Variants in GYPC observed in about 807,000 individuals in gnomAD.
GYPC encodes glycophorin C (Gerbich blood group).
GYPC carries 14 observed loss-of-function variants against 12.6 expected under a neutral mutation model. The observed-to-expected ratio is 1.11, with a 90% CI of 0.74 to 1.74. The LOEUF is 1.74. GYPC is among the 40% of genes most tolerant of loss of function. The pLI, the probability that GYPC is intolerant of heterozygous loss-of-function variation, is 0.00. For synonymous variants in GYPC, 78 were observed against 62.1 expected, an observed-to-expected ratio of 1.26 and a Z score of -1.20; for missense variants, 225 against 172.1, an observed-to-expected ratio of 1.31 and a Z score of -1.72.
intron 1 of GYPC, among the ~76,000 whole-genome samples, chr2:126,656,627 T>C (rs1326179102): frequency 6.6e-6 from 1 of 152,188 alleles, no homozygotes; most frequent in Admixed American, 6.5e-5. Flanking sequence ...GCATGTGAAA[T>C]GTGTGGGGCC....
intron 1 of GYPC, chr2:126,678,687 A>T (rs1683078788): frequency 6.6e-6 from 1 of 152,414 alleles, no homozygotes; most frequent in Non-Finnish European, 1.5e-5. Flanking sequence ...TTGTGCCCAT[A>T]AACTGTGGGT....
At chr2:126,683,306 C>A (rs918055512) in intron 1 of GYPC, among the ~76,000 whole-genome samples, 2 of 150,026 alleles carry the variant, frequency 1.3e-5, no homozygotes, top group African/African-American at 4.9e-5. Flanking sequence ...GGCAACAGAG[C>A]GAGACTCTGT....
chr2:126,684,073 T>C (rs1463672519), intron 1 of GYPC, among the ~76,000 whole-genome samples: 2 of 152,200 alleles, frequency 1.3e-5, no homozygotes, highest in Non-Finnish European at 2.9e-5. Flanking sequence ...AGGAAAGCAC[T>C]GCTGATCATC....
chr2:126,668,914 T>C (rs1172474724), intron 1 of GYPC, among the ~76,000 whole-genome samples: 1 of 152,236 alleles, frequency 6.6e-6, no homozygotes, highest in African/African-American at 2.4e-5. Flanking sequence ...GAGAAATTTC[T>C]TATCACACGA....
At chr2:126,686,955 C>T (rs1192855707) in intron 1 of GYPC, among the ~76,000 whole-genome samples, 1 of 152,134 alleles carries the variant, frequency 6.6e-6, no homozygotes, top group Non-Finnish European at 1.5e-5. Context: ...ATTCCAGGCC[C>T]CTTAAGCTGG....
chr2:126,673,691 A>G (rs1682915187), intron 1 of GYPC, among the ~76,000 whole-genome samples: 1 of 152,196 alleles, frequency 6.6e-6, no homozygotes, highest in Admixed American at 6.5e-5. Context: ...TCCTCTTCTC[A>G]GTTCAACCAG....
intron 1 of GYPC, among the ~76,000 whole-genome samples, chr2:126,666,927 A>G (rs1682699813): frequency 6.6e-6 from 1 of 152,200 alleles, no homozygotes; most frequent in South Asian, 2.1e-4. Flanking sequence ...CCTCCCAGAG[A>G]TAACTAGAAA....
intron 1 of GYPC, among the ~76,000 whole-genome samples, chr2:126,667,799 A>G (rs1682727977): frequency 6.6e-6 from 1 of 152,178 alleles, no homozygotes; most frequent in Non-Finnish European, 1.5e-5. Flanking sequence ...CTTATAGTGA[A>G]TACAGTCAAG....
intron 1 of GYPC, among the ~76,000 whole-genome samples, chr2:126,677,245 G>C (rs956310238): frequency 1.3e-5 from 2 of 152,032 alleles, no homozygotes; most frequent in African/African-American, 4.8e-5. Flanking sequence ...GTGTGTGTAA[G>C]AGTATATGTG....
Position 126,656,211 on chromosome 2 carries a change from C to T in GYPC, c.-53C>T, listed in dbSNP as rs957632633. The T allele has an allele frequency of 6.4e-7, 1 of 1,560,016 alleles. No individual in the cohort carries two copies. On this transcript the variant is annotated 5_prime_UTR_variant, in exon 1 of 4. Transcript: ENST00000259254. ...GGAGCGCGACCCTCCCCCGGCCCGGCCTGGCCCGGCCTGGCCAGTCCCCGC... is the reference window on the plus strand; with the variant it reads ...GGAGCGCGACCCTCCCCCGGCCCGGTCTGGCCCGGCCTGGCCAGTCCCCGC...
chr2:126,683,372 T>C (rs1187216544), intron 1 of GYPC, among the ~76,000 whole-genome samples: 1 of 152,070 alleles, frequency 6.6e-6, no homozygotes, highest in Non-Finnish European at 1.5e-5. Context: ...TGCTGCACCA[T>C]CCACAGCTGA....
intron 1 of GYPC, among the ~76,000 whole-genome samples, chr2:126,660,633 T>C (rs1682509330): frequency 6.6e-6 from 1 of 151,954 alleles, no homozygotes; most frequent in African/African-American, 2.4e-5. Context: ...CAGACAGGGG[T>C]TTGCTGAGCC....
chr2:126,656,803 T>A (rs558055811), intron 1 of GYPC, among the ~76,000 whole-genome samples: 1 of 152,370 alleles, frequency 6.6e-6, no homozygotes, highest in Admixed American at 6.5e-5. Context: ...GGCACACAGA[T>A]GCGAGGGAAT....
chr2:126,666,762 C>T, intron 1 of GYPC, among the ~76,000 whole-genome samples: 1 of 145,296 alleles, frequency 6.9e-6, no homozygotes, highest in Non-Finnish European at 1.5e-5. Context: ...CACACATATG[C>T]ACGCACACAC....
At chr2:126,669,329 C>T (rs1034231438) in intron 1 of GYPC, among the ~76,000 whole-genome samples, 1 of 152,162 alleles carries the variant, frequency 6.6e-6, no homozygotes, top group Non-Finnish European at 1.5e-5. Context: ...CCAGGCCATG[C>T]CCCCTCCTCA....
chr2:126,688,058 A>T (rs900042375), intron 1 of GYPC, among the ~76,000 whole-genome samples: 2 of 152,248 alleles, frequency 1.3e-5, no homozygotes, highest in African/African-American at 4.8e-5. Context: ...AAATCTGGAA[A>T]ATGGGGCTAA....
chr2:126,659,126 A>AT (rs28387090), intron 1 of GYPC, among the ~76,000 whole-genome samples: 73,787 of 152,094 alleles, frequency 0.49, 19,218 homozygotes, highest in East Asian at 0.63. Context: ...CTCACACTGC[A>AT]TTTTTTATCT....
intron 1 of GYPC, among the ~76,000 whole-genome samples, chr2:126,672,376 C>A (rs561314141): frequency 1.3e-5 from 2 of 152,268 alleles, no homozygotes; most frequent in Admixed American, 6.5e-5. Flanking sequence ...GGGGGCTTCA[C>A]ACAGTGCCCA....
chr2:126,681,792 A>G (rs1433842581), intron 1 of GYPC, among the ~76,000 whole-genome samples: 1 of 105,786 alleles, frequency 9.5e-6, no homozygotes, highest in Non-Finnish European at 2.1e-5. Context: ...AAAAAAAAAA[A>G]AAGAAAGAAA....
Sources: gnomAD v4.1 joint callset for allele counts (sites outside exome capture counted in the v4.1 genomes callset) on GRCh38, gnomAD v4.1.1 for gene constraint, MANE v1.5 for transcripts, NCBI Gene and HGNC (gene_info 2026-07-23, HGNC 2026-07-21) for gene names.